The following TSHZ2 variants were observed in gnomAD, a reference collection of about 807,000 sequenced individuals.
The protein encoded by TSHZ2 is teashirt homolog 2.
TSHZ2 carries 21 observed loss-of-function variants against 74.4 expected under a neutral mutation model. The observed-to-expected ratio is 0.28, with a 90% confidence interval of 0.20 to 0.41. TSHZ2 has a LOEUF of 0.41. Among genes scored for constraint, TSHZ2 ranks in the 10% least tolerant of loss-of-function variants. The pLI is 1.00. For synonymous variants in TSHZ2, 540 were observed against 515.3 expected (o/e 1.05, Z -0.65); for missense variants, 1,244 against 1,293.5 (o/e 0.96, Z 0.59).
chr20:53,111,109 G>A (rs1412170716), intron 1 of TSHZ2, among the ~76,000 whole-genome samples: 2 of 152,184 alleles, frequency 1.3e-5, no homozygotes, highest in Non-Finnish European at 2.9e-5. Flanking sequence ...GAAGTGCAAG[G>A]TCAATCAGAG....
chr20:53,031,346 T>C (rs1983629567), intron 1 of TSHZ2, among the ~76,000 whole-genome samples: 1 of 152,162 alleles, frequency 6.6e-6, no homozygotes, highest in African/African-American at 2.4e-5. Flanking sequence ...CCACAAATTA[T>C]AGGAGGCCTC....
chr20:53,134,710 C>T (rs887920660), intron 1 of TSHZ2, among the ~76,000 whole-genome samples: 3 of 152,196 alleles, frequency 2.0e-5, no homozygotes, highest in Admixed American at 1.3e-4. Context: ...TCACATGTTA[C>T]ATAATTTTAC....
chr20:53,102,772 T>G (rs556318023), intron 1 of TSHZ2, among the ~76,000 whole-genome samples: 87 of 152,210 alleles, frequency 5.7e-4, no homozygotes, highest in Non-Finnish European at 1.1e-3. Context: ...GATTTTGAGT[T>G]GAGCAGCTCA....
At chr20:53,213,933 T>C (rs1300616560) in intron 1 of TSHZ2, among the ~76,000 whole-genome samples, 2 of 152,222 alleles carry the variant, frequency 1.3e-5, no homozygotes, top group East Asian at 3.9e-4. Flanking sequence ...AACTATTTCC[T>C]GAGTGCCTCT....
At chr20:53,481,208 A>AT (rs1838659415) in intron 2 of TSHZ2, among the ~76,000 whole-genome samples, 1 of 152,082 alleles carries the variant, frequency 6.6e-6, no homozygotes, top group Non-Finnish European at 1.5e-5. Context: ...TTCAGGTTTA[A>AT]TTATCTGCCA....
At chr20:53,135,076 T>G (rs1987212102) in intron 1 of TSHZ2, among the ~76,000 whole-genome samples, 1 of 152,120 alleles carries the variant, frequency 6.6e-6, no homozygotes, top group African/African-American at 2.4e-5. Flanking sequence ...AATCTATGTT[T>G]GTGAAAATGG....
At chr20:53,362,235 A>C (rs1981090772) in intron 2 of TSHZ2, among the ~76,000 whole-genome samples, 1 of 145,770 alleles carries the variant, frequency 6.9e-6, no homozygotes, top group East Asian at 2.0e-4. Flanking sequence ...CCCAGGCCGG[A>C]GCGCAGTGGC....
chr20:52,983,068 T>C (rs1981626412), intron 1 of TSHZ2, among the ~76,000 whole-genome samples: 1 of 152,184 alleles, frequency 6.6e-6, no homozygotes, highest in Admixed American at 6.5e-5. Flanking sequence ...CAGCTGGAGA[T>C]AAAAACACAT....
chr20:53,103,987 TGATAATAAGAGA>T (rs1309554213), intron 1 of TSHZ2, among the ~76,000 whole-genome samples: 1 of 152,046 alleles, frequency 6.6e-6, no homozygotes, highest in African/African-American at 2.4e-5. Flanking sequence ...ATGACTTCAG[TGATAATAAGAGA>T]GATCATGACT....
At chr20:53,314,458 G>A (rs555731246) in intron 2 of TSHZ2, among the ~76,000 whole-genome samples, 28 of 152,058 alleles carry the variant, frequency 1.8e-4, no homozygotes, top group African/African-American at 5.8e-4. Context: ...AGCTTGGTGG[G>A]GCATGATCTG....
intron 1 of TSHZ2, among the ~76,000 whole-genome samples, chr20:52,977,604 A>G (rs1324852264): frequency 6.6e-6 from 1 of 152,166 alleles, no homozygotes; most frequent in Non-Finnish European, 1.5e-5. Flanking sequence ...TTTTGGACGG[A>G]AATTGATTGC....
rs1464869116 is a variant in TSHZ2, at chr20:53,490,407, A to G, written c.*3272A>G. 1.3e-5 allele frequency: 2 copies of G among 152,260 alleles called. No homozygotes were observed. The highest frequency in any genetic ancestry group is 4.8e-5 in the African/African-American group (2 of 41,474). The allele number at this position is 152,260 out of a possible 1,614,324, so 9.4% of individuals were successfully genotyped here. A position where few individuals can be genotyped will look rare whatever the true frequency, so the allele number is the denominator to read the frequency against. Reference sequence around the variant, plus strand: ...CAACAGCCTGGCCTTCCTGTGTTTTACAACAGCTCCTAAAGATAGCTGATA... The same window carrying G: ...CAACAGCCTGGCCTTCCTGTGTTTTGCAACAGCTCCTAAAGATAGCTGATA... On this transcript the variant is annotated 3_prime_UTR_variant, in exon 3 of 3. Transcript: ENST00000371497.
At chr20:53,175,322 A>T (rs1348194911) in intron 1 of TSHZ2, among the ~76,000 whole-genome samples, 1 of 151,382 alleles carries the variant, frequency 6.6e-6, no homozygotes, top group East Asian at 1.9e-4. Flanking sequence ...TTGTATTTTT[A>T]GTAGAGACTG....
chr20:52,989,667 C>T (rs1174197040), intron 1 of TSHZ2, among the ~76,000 whole-genome samples: 2 of 151,956 alleles, frequency 1.3e-5, no homozygotes, highest in African/African-American at 4.8e-5. Context: ...AATAAGAATT[C>T]AACAAATTTT....
chr20:53,299,316 T>C (rs891727171), intron 2 of TSHZ2, among the ~76,000 whole-genome samples: 2 of 152,212 alleles, frequency 1.3e-5, no homozygotes, highest in African/African-American at 4.8e-5. Flanking sequence ...GTAAAACAAC[T>C]TGAACTGCTC....
At position 53,254,053 on chromosome 20, in the gene TSHZ2, C is replaced by T. The variant is rs779606339; in HGVS notation, c.595C>T (p.Arg199Ter). 1.2e-6 allele frequency: 2 copies of T among 1,614,070 alleles called. No individual in the cohort carries two copies. The highest frequency in any genetic ancestry group is 1.1e-5 in the South Asian group (1 of 91,066). The part of the protein sequence containing the change: ...PSLFSSVQLY[R>*]QSSKMCGTVF... ...CCTGTTCAGCTCGGTGCAGTTGTAC[C>T]GACAGAGCAGCAAGATGTGCGGGAC... Residue 199 changes from arginine (R) to a stop codon, truncating the protein, a stop_gained, in exon 2 of 3, where the codon CGA (arginine) becomes TGA (stop). Coordinates refer to ENST00000371497, the MANE Select transcript of TSHZ2 (RefSeq NM_173485.6). LOFTEE classifies it high-confidence loss of function.
intron 1 of TSHZ2, among the ~76,000 whole-genome samples, chr20:53,013,894 G>A (rs370821889): frequency 9.7e-4 from 147 of 152,270 alleles, no homozygotes; most frequent in South Asian, 4.6e-3. Context: ...GCCAGGCAGC[G>A]TTGAATCCAC....
intron 1 of TSHZ2, among the ~76,000 whole-genome samples, chr20:53,172,096 C>T (rs1442280207): frequency 6.6e-6 from 1 of 152,210 alleles, no homozygotes; most frequent in Admixed American, 6.5e-5. Flanking sequence ...GTCTATCTCA[C>T]TTTGCCTAGA....
intron 1 of TSHZ2, chr20:53,098,111 A>G (rs984293218): frequency 1.3e-5 from 2 of 152,196 alleles, no homozygotes; most frequent in Non-Finnish European, 2.9e-5. Context: ...ACCATTCTCC[A>G]TTCAAAATCA....
Sources: gnomAD v4.1 joint callset for allele counts (sites outside exome capture counted in the v4.1 genomes callset) on GRCh38, gnomAD v4.1.1 for gene constraint, MANE v1.5 for transcripts, NCBI Gene and HGNC (gene_info 2026-07-23, HGNC 2026-07-21) for gene names.